The following WHRN variants were observed in gnomAD, a reference collection of about 807,000 sequenced individuals.
WHRN encodes whirlin.
A neutral mutation model predicts 68.3 loss-of-function variants in WHRN; 41 were observed. That is an observed-to-expected ratio of 0.60 (90% CI 0.47 to 0.78). WHRN has a LOEUF of 0.78. Among genes scored for constraint, WHRN ranks in the 30% least tolerant of loss-of-function variants. WHRN has a pLI of 0.00. For synonymous variants in WHRN, 560 were observed against 561.3 expected (o/e 1.00, Z 0.03); for missense variants, 1,243 against 1,244.7 (o/e 1.00, Z 0.02).
chr9:114,438,430 A>G (rs1838053961), intron 3 of WHRN, among the ~76,000 whole-genome samples: 1 of 151,390 alleles, frequency 6.6e-6, no homozygotes, highest in Admixed American at 6.6e-5. Flanking sequence ...CCAACACTTA[A>G]CGGAATCCCA....
intron 1 of WHRN, among the ~76,000 whole-genome samples, chr9:114,501,113 C>T (rs1179092372): frequency 6.6e-6 from 1 of 152,168 alleles, no homozygotes; most frequent in Non-Finnish European, 1.5e-5. Context: ...GTGACTTGCC[C>T]AAGGTCACAC....
chr9:114,439,200 T>G (rs1218150631), intron 3 of WHRN, among the ~76,000 whole-genome samples: 5 of 152,210 alleles, frequency 3.3e-5, no homozygotes, highest in East Asian at 1.9e-4. Context: ...TTTGTATAGT[T>G]TTGATGTTTT....
chr9:114,433,387 C>T (rs917710857), intron 3 of WHRN, among the ~76,000 whole-genome samples: 2 of 152,214 alleles, frequency 1.3e-5, no homozygotes, highest in Non-Finnish European at 2.9e-5. Context: ...GTACCAGCCA[C>T]GCTGGGAAGG....
chr9:114,443,115 A>G (rs1045630955), intron 3 of WHRN, among the ~76,000 whole-genome samples: 1 of 152,184 alleles, frequency 6.6e-6, no homozygotes, highest in Non-Finnish European at 1.5e-5. Context: ...AGAAAGCAGT[A>G]CTGTTGCGGC....
chr9:114,487,743 T>A (rs1030475135), intron 1 of WHRN, among the ~76,000 whole-genome samples: 7 of 152,204 alleles, frequency 4.6e-5, no homozygotes, highest in Admixed American at 3.9e-4. Flanking sequence ...GCATGCCTTA[T>A]CCCTTTTGTA....
At chr9:114,497,989 A>G (rs774842833) in intron 1 of WHRN, among the ~76,000 whole-genome samples, 1 of 152,138 alleles carries the variant, frequency 6.6e-6, no homozygotes, top group African/African-American at 2.4e-5. Flanking sequence ...TAAAGCACAC[A>G]CTAGAGCCAG....
At chr9:114,451,239 C>T (rs1389676643) in intron 3 of WHRN, among the ~76,000 whole-genome samples, 2 of 152,214 alleles carry the variant, frequency 1.3e-5, no homozygotes. Flanking sequence ...GCTCAGCTGT[C>T]CCTGTTGGCA....
chr9:114,420,560 G>A (rs922287683), intron 7 of WHRN, among the ~76,000 whole-genome samples: 32 of 152,332 alleles, frequency 2.1e-4, no homozygotes, highest in African/African-American at 7.7e-4. Flanking sequence ...CCCAAGCCCT[G>A]TGATGTCAGA....
chr9:114,490,566 C>A (rs1842895514), intron 1 of WHRN, among the ~76,000 whole-genome samples: 1 of 6,614 alleles, frequency 1.5e-4, no homozygotes, highest in Non-Finnish European at 6.4e-3. Flanking sequence ...TTCCTTCCAC[C>A]CTCTTTTAAG....
Position 114,466,377 on chromosome 9 carries a change from C to T in WHRN, c.853G>A (p.Gly285Arg). The part of the protein sequence containing the change: ...GDEKKVNLVL[G>R]DGRSLGLTIR... ...GTGAGGCCCAGGGACCGGCCGTCCC[C>T]CAGCACCAGGTTCACCTGTCAGAGG... The change falls in exon 3 of 12, where the codon GGG (glycine) becomes AGG (arginine). Residue 285 changes from glycine (G) to arginine (R), a missense_variant. Physicochemically the swap from Gly to Arg is moderately radical, Grantham distance 125. Transcript: ENST00000362057. The T allele has an allele frequency of 6.2e-7, 1 of 1,614,096 alleles. No homozygotes were observed. The highest frequency in any genetic ancestry group is 8.5e-7 in the Non-Finnish European group (1 of 1,180,028).
chr9:114,465,617 C>G (rs1428238160), intron 3 of WHRN, among the ~76,000 whole-genome samples: 1 of 152,188 alleles, frequency 6.6e-6, no homozygotes, highest in Non-Finnish European at 1.5e-5. Flanking sequence ...TCTTGTCTCT[C>G]TGAGCAAGTT....
intron 1 of WHRN, among the ~76,000 whole-genome samples, chr9:114,488,814 T>C (rs1339114490): frequency 6.6e-6 from 1 of 152,214 alleles, no homozygotes; most frequent in Non-Finnish European, 1.5e-5. Flanking sequence ...CTGTGTTAAT[T>C]ACCTCTTACA....
chr9:114,503,275 G>A, intron 1 of WHRN: 2 of 833,456 alleles, frequency 2.4e-6, no homozygotes, highest in South Asian at 5.5e-5. Context: ...TTTCTCTGCA[G>A]AAGCAGAGCA....
At position 114,504,565 on chromosome 9, in the gene WHRN, G is replaced by A. The variant is rs751457077; in HGVS notation, c.237C>T (p.Arg79=). The change falls in exon 1 of 12, where the codon CGC becomes CGT. Residue 79 remains arginine, a synonymous_variant. Coordinates refer to ENST00000362057, the MANE Select transcript of WHRN (RefSeq NM_015404.4). ...RNVFDLVRTL[R]VLLDSPVKRR... The stretch of plus-strand genomic sequence containing the variant: ...GCTTGACCGGACTGTCCAGCAGCAC[G>A]CGCAGGGTGCGCACCAGGTCGAAGA... 4.3e-6 allele frequency: 7 copies of A among 1,611,242 alleles called. No homozygotes were observed. The African/African-American group carries it at 8.0e-5, about 18-fold the overall frequency.
intron 4 of WHRN, 157 bp from the exon 5 acceptor site, chr9:114,425,181 G>A (rs758875247): frequency 1.1e-5 from 9 of 797,058 alleles, no homozygotes; most frequent in Non-Finnish European, 2.0e-5. Flanking sequence ...GGCTACTCAG[G>A]GGTAAAGGAA....
At chr9:114,465,982 C>T (rs890075791) in intron 3 of WHRN, among the ~76,000 whole-genome samples, 1 of 152,192 alleles carries the variant, frequency 6.6e-6, no homozygotes, top group Non-Finnish European at 1.5e-5. Context: ...TCTATCCTCT[C>T]CACGCATCGT....
chr9:114,426,203 G>A lies in WHRN; in HGVS notation c.1166+8C>T. On this transcript the variant is annotated splice_region_variant and intron_variant, in intron 4 of 11. Transcript: ENST00000362057. ...GTCTGGAGATTGGAGCGAGCAGAGT[G>A]GCCAGACCCTGCCGAGTTCGCCATG... 2.5e-6 allele frequency: 4 copies of A among 1,612,020 alleles called. No homozygotes were observed. Among genetic ancestry groups the A allele is most frequent in the Non-Finnish European group, 3.4e-6 (4 of 1,179,998 alleles).
rs189611210 is a variant in WHRN at position 114,478,296 on chromosome 9, T to C, written c.837+257A>G. 9.0e-5 allele frequency: 63 copies of C among 701,200 alleles called. No individual in the cohort carries two copies. In the African/African-American group the frequency reaches 1.1e-3, roughly 12 times the overall value. The allele number at this position is 701,200 out of a possible 1,614,324, so 43.4% of individuals were successfully genotyped here. A position where few individuals can be genotyped will look rare whatever the true frequency, so the allele number is the denominator to read the frequency against. ...GAGTGAGACTCTGTCTCCAAATAGA[T>C]AAATAAGCCAATCAATAAATAAATC... On this transcript the variant is annotated intron_variant, in intron 2 of 11. Coordinates refer to ENST00000362057, the MANE Select transcript of WHRN (RefSeq NM_015404.4).
chr9:114,407,035 G>T, intron 8 of WHRN, 143 bp from the exon 9 acceptor site: 2 of 966,960 alleles, frequency 2.1e-6, no homozygotes, highest in Non-Finnish European at 3.2e-6. Flanking sequence ...TCTGAATAAT[G>T]CAACACCTGA....
Sources: gnomAD v4.1 joint callset for allele counts (sites outside exome capture counted in the v4.1 genomes callset) on GRCh38, gnomAD v4.1.1 for gene constraint, MANE v1.5 for transcripts, NCBI Gene and HGNC (gene_info 2026-07-23, HGNC 2026-07-21) for gene names.